Variants in ZC3HAV1 observed in about 807,000 individuals in gnomAD.
The protein encoded by ZC3HAV1 is zinc finger CCCH-type containing, antiviral 1.
A neutral mutation model predicts 86.6 loss-of-function variants in ZC3HAV1; 41 were observed. The observed-to-expected ratio is 0.47, with a 90% CI of 0.37 to 0.61. The LOEUF (loss-of-function observed/expected upper bound fraction) is 0.61. Among genes scored for constraint, ZC3HAV1 ranks in the 20% least tolerant of loss-of-function variants. ZC3HAV1 has a pLI of 0.00. For missense variants in ZC3HAV1, 964 were observed against 1,141.1 expected (o/e 0.84, Z 2.24); for synonymous variants, 421 against 432.1 (o/e 0.97, Z 0.32).
intron 1 of ZC3HAV1, among the ~76,000 whole-genome samples, chr7:139,091,624 C>A (rs1306076153): frequency 6.6e-6 from 1 of 152,044 alleles, no homozygotes; most frequent in East Asian, 1.9e-4. Context: ...TTAATGTTTT[C>A]TTTTCTTTTT....
intron 10 of ZC3HAV1, 108 bp downstream of exon 10, chr7:139,055,097 G>C: frequency 1.0e-6 from 1 of 997,872 alleles, no homozygotes; most frequent in Non-Finnish European, 1.5e-6. Context: ...GCCGATCTAA[G>C]AGTTTTGCGG....
intron 1 of ZC3HAV1, among the ~76,000 whole-genome samples, chr7:139,103,821 C>T (rs773808060): frequency 4.6e-5 from 7 of 152,130 alleles, no homozygotes; most frequent in Non-Finnish European, 7.4e-5. Flanking sequence ...TAAACTAGGT[C>T]CTTGTGTAGC....
At chr7:139,055,448 C>T (rs932215472) in intron 9 of ZC3HAV1, among the ~76,000 whole-genome samples, 153 bp from the exon 10 acceptor site, 20 of 152,188 alleles carry the variant, frequency 1.3e-4, no homozygotes, top group South Asian at 4.1e-4. Flanking sequence ...TCACATATTC[C>T]TGGTATAGAT....
intron 2 of ZC3HAV1, among the ~76,000 whole-genome samples, chr7:139,085,586 C>A (rs979974185): frequency 6.6e-6 from 1 of 152,212 alleles, no homozygotes; most frequent in Non-Finnish European, 1.5e-5. Context: ...AATGAAGTGA[C>A]TGGAAACATT....
At chr7:139,099,935 A>G (rs914755621) in intron 1 of ZC3HAV1, among the ~76,000 whole-genome samples, 2 of 151,948 alleles carry the variant, frequency 1.3e-5, no homozygotes, top group South Asian at 4.1e-4. Context: ...AAATAAATAA[A>G]TAAATAAACC....
At chr7:139,097,428 A>ATATTTTTTTTTTTT in intron 1 of ZC3HAV1, among the ~76,000 whole-genome samples, 3 of 48,160 alleles carry the variant, frequency 6.2e-5, no homozygotes, top group African/African-American at 3.4e-4. Context: ...ATATATATAT[A>ATATTTTTTTTTTTT]TTTTTTTTTT....
rs1226909125 is a variant in ZC3HAV1 at position 139,073,874 on chromosome 7, C to G, written c.1854G>C (p.Trp618Cys). 6.2e-7 allele frequency: 1 copy of G among 1,612,734 alleles called. No homozygotes were observed. Among genetic ancestry groups the G allele is most frequent in the African/African-American group, 1.3e-5 (1 of 74,884 alleles). Reference sequence around the variant, plus strand: ...TGCTCACCTCTTCTCCATACTGAATCCATGTGCCAGATTCATTCTTCCAAT... The same window carrying G: ...TGCTCACCTCTTCTCCATACTGAATGCATGTGCCAGATTCATTCTTCCAAT... ...IWYWKNESGTWIQYGEEKDKR... is the reference protein window; with the variant it reads ...IWYWKNESGTCIQYGEEKDKR... The change falls in exon 7 of 13, where the codon TGG (tryptophan) becomes TGC (cysteine). Residue 618 changes from tryptophan to cysteine, a missense_variant. Transcript: ENST00000242351.
chr7:139,092,462 G>C (rs1817464412), intron 1 of ZC3HAV1, among the ~76,000 whole-genome samples: 1 of 152,214 alleles, frequency 6.6e-6, no homozygotes, highest in Admixed American at 6.5e-5. Context: ...AAGAATCTTT[G>C]CTTCCACTTT....
intron 9 of ZC3HAV1, among the ~76,000 whole-genome samples, chr7:139,059,008 T>TAA (rs71657780): frequency 6.7e-6 from 1 of 149,400 alleles, no homozygotes. Context: ...ACCGGAACTT[T>TAA]AAAAAAAAAA....
chr7:139,065,858 C>G (rs900961229), intron 7 of ZC3HAV1, among the ~76,000 whole-genome samples: 5 of 151,958 alleles, frequency 3.3e-5, no homozygotes, highest in African/African-American at 1.2e-4. Flanking sequence ...GAGCCAAGAT[C>G]GTGCCACTGC....
intron 5 of ZC3HAV1, 143 bp from the exon 6 acceptor site, chr7:139,076,552 G>T: frequency 9.1e-7 from 1 of 1,093,864 alleles, no homozygotes; most frequent in Non-Finnish European, 1.3e-6. Flanking sequence ...ACACTGCTGT[G>T]TGTCCATTAT....
intron 7 of ZC3HAV1, among the ~76,000 whole-genome samples, chr7:139,065,334 C>T (rs938281661): frequency 7.2e-5 from 11 of 152,146 alleles, no homozygotes; most frequent in African/African-American, 2.2e-4. Flanking sequence ...GATGCCACGC[C>T]GGCATCTGTC....
intron 7 of ZC3HAV1, among the ~76,000 whole-genome samples, chr7:139,067,278 T>G (rs987434974): frequency 3.3e-5 from 5 of 152,058 alleles, no homozygotes; most frequent in African/African-American, 1.2e-4. Context: ...GCCTCCTGAG[T>G]AGCTGGGATT....
chr7:139,079,394 T>C lies in ZC3HAV1; in HGVS notation c.1471+76A>G, dbSNP rs1584858014. 3.7e-6 allele frequency: 6 copies of C among 1,611,240 alleles called. No individual in the cohort carries two copies. In the East Asian group the frequency reaches 1.3e-4, roughly 36 times the overall value. The stretch of plus-strand genomic sequence containing the variant: ...AGTTTTTTCTACATCAGTAGTTTTA[T>C]CCACTACTTGACTAGAGCCATTTGG... On this transcript the variant is annotated intron_variant, in intron 4 of 12. Transcript: ENST00000242351.
intron 3 of ZC3HAV1, among the ~76,000 whole-genome samples, 167 bp from the exon 4 acceptor site, chr7:139,080,410 G>C (rs1263128780): frequency 6.6e-6 from 1 of 152,162 alleles, no homozygotes; most frequent in African/African-American, 2.4e-5. Context: ...TGGGTGGTTT[G>C]ACACTGACGG....
intron 7 of ZC3HAV1, among the ~76,000 whole-genome samples, chr7:139,066,163 G>A (rs1022414041): frequency 5.9e-5 from 9 of 152,218 alleles, no homozygotes; most frequent in Admixed American, 2.0e-4. Flanking sequence ...GGAGACTCTT[G>A]TTTCCTGTGA....
At chr7:139,104,721 C>CAAAAAAAAAAA (rs1157897700) in intron 1 of ZC3HAV1, among the ~76,000 whole-genome samples, 2 of 19,248 alleles carry the variant, frequency 1.0e-4, no homozygotes, top group Non-Finnish European at 2.2e-4. Flanking sequence ...GACTCTGTCA[C>CAAAAAAAAAAA]AAAAAAAAAA....
chr7:139,097,411 TATATA>T (rs1563140553), intron 1 of ZC3HAV1, among the ~76,000 whole-genome samples: 6 of 79,504 alleles, frequency 7.5e-5, no homozygotes, highest in Admixed American at 2.3e-4. Context: ...CATATATATA[TATATA>T]TATATATATA....
intron 12 of ZC3HAV1, among the ~76,000 whole-genome samples, chr7:139,050,318 C>T (rs1816086624): frequency 6.6e-6 from 1 of 151,828 alleles, no homozygotes; most frequent in South Asian, 2.1e-4. Flanking sequence ...TTTTAAAATT[C>T]CCTTTATTGT....
Sources: gnomAD v4.1 joint callset for allele counts (sites outside exome capture counted in the v4.1 genomes callset) on GRCh38, gnomAD v4.1.1 for gene constraint, MANE v1.5 for transcripts, NCBI Gene and HGNC (gene_info 2026-07-23, HGNC 2026-07-21) for gene names.